Variants in DNAJC1 observed in about 807,000 individuals in gnomAD.
DNAJC1 encodes dnaJ homolog subfamily C member 1.
In DNAJC1, 58 loss-of-function variants were observed where a neutral mutation model predicts 76.6. The observed-to-expected ratio is 0.76, with a 90% confidence interval of 0.61 to 0.94. The LOEUF is 0.94. DNAJC1 is among the 40% of genes least tolerant of loss of function. The probability of loss-of-function intolerance (pLI) is 0.00; values close to 1 mark genes in which losing one functional copy is unlikely to be tolerated. For synonymous variants in DNAJC1, 258 were observed against 267.9 expected, an observed-to-expected ratio of 0.96 and a Z score of 0.36; for missense variants, 689 against 677.3, an observed-to-expected ratio of 1.02 and a Z score of -0.19.
intron 9 of DNAJC1, among the ~76,000 whole-genome samples, chr10:21,799,236 T>G (rs1369473200): frequency 1.3e-5 from 2 of 152,160 alleles, no homozygotes; most frequent in East Asian, 3.9e-4. Context: ...AAACTATGTC[T>G]TTTTACGTGT....
chr10:21,794,480 T>A (rs544945783), intron 9 of DNAJC1, among the ~76,000 whole-genome samples: 1 of 152,102 alleles, frequency 6.6e-6, no homozygotes, highest in African/African-American at 2.4e-5. Context: ...TCTCTCCAAA[T>A]TGATCTATAG....
chr10:21,889,892 C>A (rs55789720), intron 7 of DNAJC1, among the ~76,000 whole-genome samples: 6,862 of 152,288 alleles, frequency 0.045, 321 homozygotes, highest in African/African-American at 0.11. Context: ...ATCCCACCAC[C>A]CAGCATAAGA....
chr10:21,769,394 A>C (rs1834345272), intron 9 of DNAJC1, among the ~76,000 whole-genome samples: 1 of 152,234 alleles, frequency 6.6e-6, no homozygotes, highest in South Asian at 2.1e-4. Flanking sequence ...GTAGGCATAG[A>C]ATGGTTATCC....
intron 1 of DNAJC1, among the ~76,000 whole-genome samples, chr10:22,000,474 CATTACTGTTTTCCT>C (rs1381307110): frequency 1.3e-5 from 2 of 152,214 alleles, no homozygotes; most frequent in African/African-American, 4.8e-5. Flanking sequence ...GCTGTTCTCC[CATTACTGTTTTCCT>C]TGATCACTCT....
At chr10:21,867,021 C>G (rs1338986033) in intron 8 of DNAJC1, among the ~76,000 whole-genome samples, 1 of 151,990 alleles carries the variant, frequency 6.6e-6, no homozygotes, top group Non-Finnish European at 1.5e-5. Flanking sequence ...TAATGCTGAT[C>G]CTAGAGGGAC....
rs1207484109 is a variant in DNAJC1 at position 21,759,451 on chromosome 10, C to G, written c.1315G>C (p.Asp439His). 6.2e-7 allele frequency: 1 copy of G among 1,614,160 alleles called. No individual in the cohort carries two copies. Among genetic ancestry groups the G allele is most frequent in the East Asian group, 2.2e-5 (1 of 44,880 alleles). The change falls in exon 11 of 12, where the codon GAT becomes CAT. Residue 439 changes from aspartate to histidine, a missense_variant. Transcript: ENST00000376980. ...DSGEQETGAT[D>H]ARPRRRKPAR... ...GGCTTCCGCCTCCGAGGCCGGGCAT[C>G]AGTGGCCCCGGTCTCCTGCTCACCG...
chr10:21,798,396 T>A (rs1405594486), intron 9 of DNAJC1, among the ~76,000 whole-genome samples: 1 of 152,188 alleles, frequency 6.6e-6, no homozygotes, highest in African/African-American at 2.4e-5. Flanking sequence ...AATTTCCACC[T>A]TGGCCAAAAA....
intron 1 of DNAJC1, among the ~76,000 whole-genome samples, chr10:21,952,576 G>A (rs1837616860): frequency 6.6e-6 from 1 of 152,138 alleles, no homozygotes; most frequent in African/African-American, 2.4e-5. Context: ...AGCCAACATG[G>A]TGAAAACCTA....
intron 1 of DNAJC1, among the ~76,000 whole-genome samples, chr10:21,989,730 G>T (rs961890630): frequency 6.6e-6 from 1 of 152,200 alleles, no homozygotes; most frequent in African/African-American, 2.4e-5. Context: ...CAAGGGACCT[G>T]CAGGCTTGGT....
chr10:21,879,611 G>A (rs995840607), intron 8 of DNAJC1, among the ~76,000 whole-genome samples: 1 of 152,096 alleles, frequency 6.6e-6, no homozygotes, highest in African/African-American at 2.4e-5. Context: ...GCGACAGAGA[G>A]AGACTCTGTC....
intron 1 of DNAJC1, among the ~76,000 whole-genome samples, chr10:21,991,796 T>C (rs747073644): frequency 6.6e-6 from 1 of 152,228 alleles, no homozygotes; most frequent in East Asian, 1.9e-4. Context: ...TATATTTAAA[T>C]TGAAAAACTG....
intron 8 of DNAJC1, among the ~76,000 whole-genome samples, chr10:21,864,521 C>G (rs1454548340): frequency 6.6e-6 from 1 of 151,940 alleles, no homozygotes; most frequent in Non-Finnish European, 1.5e-5. Context: ...ACTCGGCAGG[C>G]TGAGGCAGGA....
chr10:21,930,260 C>G (rs980280177), intron 1 of DNAJC1, among the ~76,000 whole-genome samples: 1 of 152,170 alleles, frequency 6.6e-6, no homozygotes, highest in Non-Finnish European at 1.5e-5. Context: ...CAGGTGTGAG[C>G]CACCGCGCCT....
chr10:21,882,617 C>CA (rs1836300502), intron 7 of DNAJC1, among the ~76,000 whole-genome samples, 178 bp from the exon 8 acceptor site: 1 of 152,256 alleles, frequency 6.6e-6, no homozygotes, highest in South Asian at 2.1e-4. Flanking sequence ...AAATAAAACT[C>CA]AGAGTTGCTA....
At chr10:21,963,803 T>C (rs924575846) in intron 1 of DNAJC1, among the ~76,000 whole-genome samples, 3 of 152,242 alleles carry the variant, frequency 2.0e-5, no homozygotes, top group Admixed American at 2.0e-4. Flanking sequence ...TTGATATACA[T>C]GAATTTTTTC....
At chr10:21,760,694 AAT>A (rs1437221184) in intron 10 of DNAJC1, among the ~76,000 whole-genome samples, 1 of 152,234 alleles carries the variant, frequency 6.6e-6, no homozygotes, top group Non-Finnish European at 1.5e-5. Flanking sequence ...TTTAAACTTT[AAT>A]ATAAATAGCT....
At chr10:21,983,541 G>A (rs969596117) in intron 1 of DNAJC1, among the ~76,000 whole-genome samples, 6 of 152,082 alleles carry the variant, frequency 3.9e-5, no homozygotes, top group African/African-American at 1.4e-4. Flanking sequence ...CCTGTCAAAC[G>A]AAGACCTGTC....
At chr10:21,806,946 C>CA (rs1834890783) in intron 8 of DNAJC1, among the ~76,000 whole-genome samples, 1 of 152,150 alleles carries the variant, frequency 6.6e-6, no homozygotes, top group Non-Finnish European at 1.5e-5. Flanking sequence ...TAGCAGTAGT[C>CA]AAACCCCAAA....
At chr10:21,892,970 A>C (rs1836482624) in intron 7 of DNAJC1, among the ~76,000 whole-genome samples, 2 of 152,218 alleles carry the variant, frequency 1.3e-5, no homozygotes, top group African/African-American at 4.8e-5. Flanking sequence ...TAGCATAACT[A>C]AATATATAAA....
Sources: allele counts gnomAD v4.1 joint callset (sites outside exome capture counted in the v4.1 genomes callset), GRCh38; gene constraint gnomAD v4.1.1; transcripts MANE v1.5; gene names NCBI Gene and HGNC (gene_info 2026-07-23, HGNC 2026-07-21).